USH2A: variants seen among roughly 807,000 people sequenced by gnomAD.
USH2A encodes Usher syndrome 2A (autosomal recessive, mild).
A neutral mutation model predicts 538.9 loss-of-function variants in USH2A; 443 were observed. The ratio of observed to expected loss-of-function variants is 0.82; its 90% CI spans 0.76 to 0.89. The LOEUF (loss-of-function observed/expected upper bound fraction) is 0.89. Ranked by LOEUF, USH2A falls within the 40% of genes least tolerant of loss-of-function variation. The probability of loss-of-function intolerance (pLI) is 0.00; values close to 1 mark genes in which losing one functional copy is unlikely to be tolerated. For synonymous variants in USH2A, 2,413 were observed against 2,273.5 expected, an observed-to-expected ratio of 1.06 and a Z score of -1.75; for missense variants, 6,633 against 6,324.8, an observed-to-expected ratio of 1.05 and a Z score of -1.65.
At chr1:215,914,068 C>CTTTT (rs11366554) in intron 38 of USH2A, among the ~76,000 whole-genome samples, 16 of 91,998 alleles carry the variant, frequency 1.7e-4, no homozygotes, top group African/African-American at 2.4e-4. Context: ...AAGCAACAGA[C>CTTTT]TTTTTTTTTT....
In USH2A at chr1:216,062,013, CA is replaced by C. The variant is rs532490929; in HGVS notation, c.6049+8087del. Among the ~76,000 whole-genome samples, 70 of 152,284 alleles carry C rather than the reference CA, an allele frequency of 4.6e-4. 1 individual carries two copies. Among genetic ancestry groups the C allele is most frequent in the African/African-American group, 1.7e-3 (69 of 41,552 alleles). On this transcript the variant is annotated intron_variant, in intron 30 of 71. Coordinates refer to ENST00000307340, the MANE Select transcript of USH2A (RefSeq NM_206933.4). ...TGATTTGAAAACAGTTTAATTTTCC[CA>C]TGCAAACACCCAGTCAGAAGGTTAT...
chr1:215,777,708 A>G (rs1661504479), intron 55 of USH2A, among the ~76,000 whole-genome samples: 1 of 152,224 alleles, frequency 6.6e-6, no homozygotes. Flanking sequence ...TTAGTGTACT[A>G]TCTGGAAAAC....
rs765556975 is a variant in USH2A, at chr1:216,000,540, G to A, written c.6348C>T (p.His2116=). Residue 2116 remains histidine (H), a synonymous_variant, in exon 33 of 72, where the codon CAC becomes CAT. Coordinates refer to ENST00000307340, the MANE Select transcript of USH2A (RefSeq NM_206933.4). ...IVTDLAVFTP[H]QFLLSACTHV... is the part of the protein sequence containing the mutation. ...GTGTGCATGCACTTAGTAGAAACTG[G>A]TGGGGTGTAAATACTGCTAAATCTA... 3.7e-6 allele frequency: 6 copies of A among 1,613,532 alleles called. No individual in the cohort carries two copies. The highest frequency in any genetic ancestry group is 4.2e-6 in the Non-Finnish European group (5 of 1,179,600).
chr1:215,707,972 C>A (rs540144135), intron 61 of USH2A, among the ~76,000 whole-genome samples: 1 of 152,194 alleles, frequency 6.6e-6, no homozygotes, highest in African/African-American at 2.4e-5. Context: ...TCATTCAATG[C>A]AACATGTGAA....
At chr1:216,062,635 G>A (rs1314310219) in intron 30 of USH2A, among the ~76,000 whole-genome samples, 3 of 152,052 alleles carry the variant, frequency 2.0e-5, no homozygotes, top group Non-Finnish European at 1.5e-5. Flanking sequence ...TATGAATGAG[G>A]AAACTCCAAT....
intron 21 of USH2A, among the ~76,000 whole-genome samples, chr1:216,164,602 G>A (rs182048825): frequency 9.9e-5 from 15 of 152,210 alleles, no homozygotes; most frequent in Admixed American, 9.2e-4. Context: ...TAGATGTGGA[G>A]AAATGAGATG....
chr1:215,758,680 A>C lies in USH2A; in HGVS notation c.11304T>G (p.Pro3768=). The change falls in exon 58 of 72, where the codon CCT becomes CCG. Residue 3768 remains proline (P), a synonymous_variant. Coordinates refer to ENST00000307340, the MANE Select transcript of USH2A (RefSeq NM_206933.4). ...SASDDYIVQT[P]MSTPEEIYPP... is the part of the protein sequence containing the mutation. ...GATAGATTTCTTCTGGTGTTGACAT[A>C]GGTGTTTGAACAATGTAATCATCAC... The C allele has an allele frequency of 1.2e-6, 2 of 1,613,804 alleles. No individual in the cohort carries two copies. The highest frequency in any genetic ancestry group is 2.7e-5 in the African/African-American group (2 of 74,998).
intron 55 of USH2A, among the ~76,000 whole-genome samples, chr1:215,768,132 A>T (rs1661184143): frequency 6.6e-6 from 1 of 152,276 alleles, no homozygotes; most frequent in South Asian, 2.1e-4. Context: ...ATTTTAAAAA[A>T]TTTTGACCAC....
intron 58 of USH2A, among the ~76,000 whole-genome samples, chr1:215,748,200 A>G (rs1441496001): frequency 6.6e-6 from 1 of 152,134 alleles, no homozygotes; most frequent in East Asian, 1.9e-4. Context: ...ACCAGGCTGG[A>G]GTGCAGTGGC....
chr1:215,758,954 A>G (rs143379286), intron 57 of USH2A, among the ~76,000 whole-genome samples: 2 of 152,316 alleles, frequency 1.3e-5, no homozygotes, highest in African/African-American at 4.8e-5. Context: ...AGCTGCTCTT[A>G]AATTTATTTT....
At chr1:215,992,517 T>C (rs1412196195) in intron 35 of USH2A, among the ~76,000 whole-genome samples, 1 of 152,226 alleles carries the variant, frequency 6.6e-6, no homozygotes, top group Non-Finnish European at 1.5e-5. Flanking sequence ...GTTTAATCTA[T>C]GCATTGTTTA....
chr1:215,672,194 A>G (rs1189025449), intron 63 of USH2A, among the ~76,000 whole-genome samples: 3 of 152,026 alleles, frequency 2.0e-5, no homozygotes, highest in Admixed American at 6.6e-5. Context: ...TCTATTCCCA[A>G]CCACCATTGA....
chr1:216,057,063 G>A (rs967128463), intron 30 of USH2A, among the ~76,000 whole-genome samples: 9 of 151,924 alleles, frequency 5.9e-5, no homozygotes, highest in South Asian at 2.1e-4. Flanking sequence ...TTTTAACTAC[G>A]GCTCAACATG....
At chr1:216,077,945 A>T (rs1477113998) in intron 27 of USH2A, 144 bp downstream of exon 27, 1 of 988,438 alleles carries the variant, frequency 1.0e-6, no homozygotes, top group South Asian at 1.5e-5. Flanking sequence ...TTAGTTTTTA[A>T]GGTTTAAATT....
chr1:215,738,687 C>A (rs1389977726), intron 60 of USH2A, among the ~76,000 whole-genome samples: 1 of 151,970 alleles, frequency 6.6e-6, no homozygotes, highest in African/African-American at 2.4e-5. Context: ...AAGAGAGTGG[C>A]AAACAATTTC....
intron 34 of USH2A, among the ~76,000 whole-genome samples, chr1:215,997,795 T>A (rs1000547246): frequency 6.6e-6 from 1 of 152,182 alleles, no homozygotes; most frequent in Non-Finnish European, 1.5e-5. Context: ...GTGTTAGCAT[T>A]TGAAAATCAA....
At chr1:216,288,901 A>T (rs1318680293) in intron 11 of USH2A, among the ~76,000 whole-genome samples, 1 of 152,182 alleles carries the variant, frequency 6.6e-6, no homozygotes, top group Non-Finnish European at 1.5e-5. Context: ...CCCTAAGTGT[A>T]AGTGACTTTT....
chr1:216,153,047 C>T (rs2033871015), intron 21 of USH2A, among the ~76,000 whole-genome samples: 1 of 152,168 alleles, frequency 6.6e-6, no homozygotes, highest in African/African-American at 2.4e-5. Flanking sequence ...GATGCCCAAA[C>T]TCCAGGGGAA....
At position 216,393,426 on chromosome 1, in the gene USH2A, G is replaced by A. The variant is rs573356017; in HGVS notation, c.651+25088C>T. 3.9e-5 allele frequency among the ~76,000 whole-genome samples: 6 copies of A among 152,232 alleles called. No homozygotes were observed. In the South Asian group the frequency reaches 1.2e-3, roughly 32 times the overall value. On this transcript the variant is annotated intron_variant, in intron 3 of 71. Coordinates refer to ENST00000307340, the MANE Select transcript of USH2A (RefSeq NM_206933.4). ...TACATAAGTAATTTGCATTCTAGGG[G>A]CTTGTGGTCGGAACACACAAACTAG...
Sources: gnomAD v4.1 joint callset for allele counts (sites outside exome capture counted in the v4.1 genomes callset) on GRCh38, gnomAD v4.1.1 for gene constraint, MANE v1.5 for transcripts, NCBI Gene and HGNC (gene_info 2026-07-23, HGNC 2026-07-21) for gene names.